SSX1: variants seen among roughly 807,000 people sequenced by gnomAD.
SSX1 encodes SSX family member 1, also known as protein SSX1.
In SSX1, 58 loss-of-function variants were observed where a neutral mutation model predicts 14.6. That is an observed-to-expected ratio of 3.96 (90% CI 3.21 to 4.93). The LOEUF (loss-of-function observed/expected upper bound fraction) is 4.93, where lower values mean the gene tolerates loss of function less well. Ranked by LOEUF, SSX1 falls within the 30% of genes most tolerant of loss-of-function variation. The probability of loss-of-function intolerance (pLI) is 0.00; values close to 1 mark genes in which losing one functional copy is unlikely to be tolerated. For missense variants in SSX1, 272 were observed against 143.1 expected (o/e 1.90, Z -4.60); for synonymous variants, 46 against 52.1 (o/e 0.88, Z 0.50).
chrX:48,259,698 G>A (rs782507949), intron 4 of SSX1, among the ~76,000 whole-genome samples: 77 of 110,037 alleles, frequency 7.0e-4, no homozygotes, highest in Admixed American at 3.7e-3. Flanking sequence ...GAGAATATGC[G>A]GTGTTTGGTT....
intron 4 of SSX1, among the ~76,000 whole-genome samples, chrX:48,261,277 T>G (rs2059602898): frequency 8.9e-6 from 1 of 111,928 alleles, no homozygotes; most frequent in Non-Finnish European, 1.9e-5. Context: ...GAAACTCCAG[T>G]GCTTGAGTAT....
At chrX:48,258,510 G>C in intron 3 of SSX1, 26 bp from the exon 4 acceptor site, 1 of 1,146,086 alleles carries the variant, frequency 8.7e-7, no homozygotes, top group Non-Finnish European at 1.2e-6. Context: ...TGTCCCTTAA[G>C]GAATAAACAT....
chrX:48,263,782 A>G lies in SSX1; in HGVS notation c.331A>G (p.Ile111Val). ...FGRLHRIIPK[I>V]MPKKPAEDEN... is the part of the protein sequence containing the mutation. ...TATCTGTAACCTTCACATTATAAAGATCATGCCCAAGAAGCCAGCAGAGGA... is the reference window on the plus strand; with the variant it reads ...TATCTGTAACCTTCACATTATAAAGGTCATGCCCAAGAAGCCAGCAGAGGA... The change falls in exon 6 of 8, where the codon ATC becomes GTC. Residue 111 changes from isoleucine (I) to valine (V), a missense_variant and splice_region_variant. Ile to Val is a conservative substitution (Grantham distance 29). Coordinates refer to ENST00000376919, the MANE Select transcript of SSX1 (RefSeq NM_005635.4). 5 of 1,211,521 alleles carry G rather than the reference A, an allele frequency of 4.1e-6. No individual in the cohort carries two copies.
At chrX:48,259,193 C>T (rs1173589990) in intron 4 of SSX1, among the ~76,000 whole-genome samples, 8 of 110,990 alleles carry the variant, frequency 7.2e-5, no homozygotes, top group Non-Finnish European at 1.5e-4. Context: ...GATGGGGTTT[C>T]ACCATGTTGA....
intron 3 of SSX1, 125 bp from the exon 4 acceptor site, chrX:48,258,411 C>G (rs1287533654): frequency 9.3e-6 from 5 of 540,409 alleles, no homozygotes; most frequent in Non-Finnish European, 1.7e-5. Context: ...ACAGGCTCAT[C>G]TTGAAATCCT....
intron 5 of SSX1, among the ~76,000 whole-genome samples, chrX:48,263,163 GT>G (rs201770718): frequency 0.064 from 7,061 of 110,195 alleles, 290 homozygotes; most frequent in East Asian, 0.24. Context: ...AATATTGTTG[GT>G]CAGTGACACA....
intron 1 of SSX1, among the ~76,000 whole-genome samples, chrX:48,256,515 G>T (rs1394232237): frequency 3.7e-5 from 3 of 82,108 alleles, no homozygotes; most frequent in East Asian, 3.9e-4. Context: ...TTCCCAGGCT[G>T]GTCTCAACCT....
At chrX:48,262,505 G>T (rs1452824361) in intron 5 of SSX1, among the ~76,000 whole-genome samples, 1 of 111,728 alleles carries the variant, frequency 9.0e-6, no homozygotes, top group Non-Finnish European at 1.9e-5. Flanking sequence ...CACTCCCATG[G>T]CTTAGGAATC....
chrX:48,259,600 C>G (rs1392624553), intron 4 of SSX1, among the ~76,000 whole-genome samples: 2 of 110,947 alleles, frequency 1.8e-5, no homozygotes, highest in Non-Finnish European at 3.8e-5. Context: ...ATCCCTTCCC[C>G]CTCTCCCCAC....
rs1411288262 is a variant in SSX1 at position 48,257,221 on chromosome X, G to C, written c.-20-1G>C. On this transcript the variant is annotated splice_acceptor_variant, in intron 1 of 7. Transcript: ENST00000376919. LOFTEE classifies it low-confidence loss of function (5UTR_SPLICE). ...AAAGTCTCAGGCTGTTTCTCTTGCA[G>C]GTGAGACTGCTCCTGGTGCCATGAA... The C allele has an allele frequency of 8.3e-7, 1 of 1,208,480 alleles. No homozygotes were observed. The highest frequency in any genetic ancestry group is 1.1e-6 in the Non-Finnish European group (1 of 893,858).
intron 7 of SSX1, among the ~76,000 whole-genome samples, 200 bp downstream of exon 7, chrX:48,266,591 G>C (rs1193935306): frequency 8.9e-6 from 1 of 111,849 alleles, no homozygotes; most frequent in Non-Finnish European, 1.9e-5. Context: ...TCACCACCCA[G>C]GATGCTGTGG....
At chrX:48,261,355 A>T (rs782034283) in intron 4 of SSX1, among the ~76,000 whole-genome samples, 36 of 112,158 alleles carry the variant, frequency 3.2e-4, no homozygotes, top group Non-Finnish European at 5.8e-4. Flanking sequence ...GGACTAAATC[A>T]TCCATGGTTC....
At chrX:48,263,399 A>G (rs1389851778) in intron 5 of SSX1, among the ~76,000 whole-genome samples, 2 of 110,933 alleles carry the variant, frequency 1.8e-5, no homozygotes, top group African/African-American at 3.3e-5. Context: ...TTACTCTCCC[A>G]GCAGCTGTCT....
intron 2 of SSX1, 35 bp from the exon 3 acceptor site, chrX:48,257,711 T>C (rs1342434751): frequency 1.3e-5 from 15 of 1,174,427 alleles, no homozygotes; most frequent in Non-Finnish European, 1.6e-5. Flanking sequence ...CATACCTAGC[T>C]GAGTCACTGA....
At chrX:48,256,910 G>A (rs1398530049) in intron 1 of SSX1, among the ~76,000 whole-genome samples, 3 of 109,771 alleles carry the variant, frequency 2.7e-5, no homozygotes, top group Non-Finnish European at 5.7e-5. Flanking sequence ...TGCCTCCCCA[G>A]CAAGGGTCTG....
chrX:48,259,212 G>A (rs781969846), intron 4 of SSX1, among the ~76,000 whole-genome samples: 2 of 110,996 alleles, frequency 1.8e-5, no homozygotes, highest in South Asian at 7.7e-4. Context: ...GACCAGGCTG[G>A]TCTCAAACTC....
chrX:48,265,689 A>G (rs1180857567), intron 6 of SSX1, among the ~76,000 whole-genome samples: 4 of 111,941 alleles, frequency 3.6e-5, no homozygotes, highest in African/African-American at 1.3e-4. Flanking sequence ...GCTTGATGGG[A>G]TGGATACCCT....
At chrX:48,260,490 C>T (rs1487665014) in intron 4 of SSX1, among the ~76,000 whole-genome samples, 2 of 111,300 alleles carry the variant, frequency 1.8e-5, no homozygotes, top group Non-Finnish European at 3.8e-5. Context: ...GCTTTTGTTG[C>T]CATTGCTTTT....
At chrX:48,264,972 C>A (rs2059618233) in intron 6 of SSX1, among the ~76,000 whole-genome samples, 1 of 112,003 alleles carries the variant, frequency 8.9e-6, no homozygotes, top group Admixed American at 9.5e-5. Flanking sequence ...CCTTAAACCT[C>A]ACAAACCAAC....
Sources: gnomAD v4.1 joint callset for allele counts (sites outside exome capture counted in the v4.1 genomes callset) on GRCh38, gnomAD v4.1.1 for gene constraint, MANE v1.5 for transcripts, NCBI Gene and HGNC (gene_info 2026-07-23, HGNC 2026-07-21) for gene names.